COL13A1: variants seen among roughly 807,000 people sequenced by gnomAD.
COL13A1 encodes the protein collagen type XIII alpha 1 chain.
A neutral mutation model predicts 130.9 loss-of-function variants in COL13A1; 89 were observed. The observed-to-expected ratio is 0.68, with a 90% CI of 0.57 to 0.81. COL13A1 has a LOEUF of 0.81. Ranked by LOEUF, COL13A1 falls within the 30% of genes least tolerant of loss-of-function variation. COL13A1 has a pLI of 0.00. For missense variants in COL13A1, 879 were observed against 934.6 expected, an observed-to-expected ratio of 0.94 and a Z score of 0.78; for synonymous variants, 402 against 341.6, an observed-to-expected ratio of 1.18 and a Z score of -1.95.
intron 2 of COL13A1, among the ~76,000 whole-genome samples, chr10:69,859,265 G>A (rs1176078980): frequency 6.6e-6 from 1 of 152,166 alleles, no homozygotes; most frequent in Non-Finnish European, 1.5e-5. Flanking sequence ...CCTTTTAATG[G>A]CAAAAACCAC....
At chr10:69,854,304 A>G (rs553000146) in intron 2 of COL13A1, among the ~76,000 whole-genome samples, 12 of 152,264 alleles carry the variant, frequency 7.9e-5, no homozygotes, top group Admixed American at 4.6e-4. Context: ...TGTGGCTCAC[A>G]CTTGTAATCC....
intron 6 of COL13A1, 115 bp from the exon 7 acceptor site, chr10:69,880,388 G>T (rs566444615): frequency 1.2e-4 from 84 of 727,480 alleles, no homozygotes; most frequent in Non-Finnish European, 2.0e-4. Context: ...CATGGGGCCG[G>T]CCTCCTGCTC....
rs556389311 is a variant in COL13A1 at position 69,958,807 on chromosome 10, A to G, written c.*106A>G. 2.1e-6 allele frequency: 3 copies of G among 1,455,074 alleles called. No individual in the cohort carries two copies. Among genetic ancestry groups the G allele is most frequent in the African/African-American group, 1.4e-5 (1 of 70,330 alleles). The allele number at this position is 1,455,074 out of a possible 1,614,324, so 90.1% of individuals were successfully genotyped here. ...GCCAGAAGTATGATGCATCTTACAGATTATTAAAAAAGAAAGAAAAACCTG... is the reference window on the plus strand; with the variant it reads ...GCCAGAAGTATGATGCATCTTACAGGTTATTAAAAAAGAAAGAAAAACCTG... On this transcript the variant is annotated 3_prime_UTR_variant, in exon 41 of 41. Coordinates refer to ENST00000645393, the MANE Select transcript of COL13A1 (RefSeq NM_001368882.1).
intron 40 of COL13A1, among the ~76,000 whole-genome samples, chr10:69,957,424 G>C (rs1285163678): frequency 1.3e-5 from 2 of 152,192 alleles, no homozygotes; most frequent in Non-Finnish European, 1.5e-5. Context: ...GGACATCTCA[G>C]TTGCTTTCAC....
intron 1 of COL13A1, among the ~76,000 whole-genome samples, chr10:69,804,475 C>T (rs1432997363): frequency 6.6e-6 from 1 of 152,034 alleles, no homozygotes; most frequent in East Asian, 1.9e-4. Context: ...CATATTTACC[C>T]TACTGAATAC....
intron 13 of COL13A1, among the ~76,000 whole-genome samples, chr10:69,896,303 TG>T (rs1372750480): frequency 6.6e-6 from 1 of 152,016 alleles, no homozygotes; most frequent in Admixed American, 6.5e-5. Flanking sequence ...TTCAAACTTG[TG>T]TCCCAGCAGC....
intron 2 of COL13A1, among the ~76,000 whole-genome samples, chr10:69,852,826 T>C (rs1459705188): frequency 2.0e-5 from 3 of 152,222 alleles, no homozygotes; most frequent in Non-Finnish European, 4.4e-5. Context: ...TCCTGGGCAG[T>C]GAATGATGCT....
At chr10:69,825,706 G>A (rs1473150062) in intron 2 of COL13A1, among the ~76,000 whole-genome samples, 3 of 152,216 alleles carry the variant, frequency 2.0e-5, no homozygotes, top group Admixed American at 1.3e-4. Flanking sequence ...GTCCTGCGGT[G>A]GGTGTGTTCT....
intron 2 of COL13A1, among the ~76,000 whole-genome samples, chr10:69,844,801 G>A (rs942441926): frequency 6.6e-6 from 1 of 152,238 alleles, no homozygotes; most frequent in African/African-American, 2.4e-5. Context: ...CCAGGTGAAT[G>A]CAAACTGGAG....
rs1472963096 is a variant in COL13A1, at chr10:69,919,357, G to A, written c.1026+269G>A. On this transcript the variant is annotated intron_variant, in intron 20 of 40. Transcript: ENST00000645393. ...CTCTTTCCCTCTTGTGTGACAATAA[G>A]AGGTGTGACAATAAGATATGTGACA... 6.6e-5 allele frequency among the ~76,000 whole-genome samples: 10 copies of A among 152,218 alleles called. No individual in the cohort carries two copies. In the South Asian group the frequency reaches 1.9e-3, roughly 28 times the overall value.
chr10:69,916,117 G>T (rs1168872738), intron 17 of COL13A1, among the ~76,000 whole-genome samples: 1 of 152,202 alleles, frequency 6.6e-6, no homozygotes, highest in Non-Finnish European at 1.5e-5. Flanking sequence ...GAGAAGGATG[G>T]ACGAGGACCT....
intron 17 of COL13A1, among the ~76,000 whole-genome samples, chr10:69,907,689 C>G (rs1355284735): frequency 6.6e-6 from 1 of 152,044 alleles, no homozygotes; most frequent in Non-Finnish European, 1.5e-5. Context: ...CTAACCCACT[C>G]TCACAATAAC....
intron 1 of COL13A1, among the ~76,000 whole-genome samples, chr10:69,804,656 T>G (rs1458068280): frequency 6.6e-6 from 1 of 151,422 alleles, no homozygotes; most frequent in African/African-American, 2.4e-5. Flanking sequence ...CCACCTTTTT[T>G]TTTTTTTGGC....
chr10:69,899,588 C>G (rs1159536391), intron 14 of COL13A1, among the ~76,000 whole-genome samples: 1 of 152,170 alleles, frequency 6.6e-6, no homozygotes, highest in Non-Finnish European at 1.5e-5. Context: ...GTTTGGGGAG[C>G]AAGGGAATTT....
At chr10:69,873,488 C>A (rs2059281854) in intron 4 of COL13A1, among the ~76,000 whole-genome samples, 3 of 152,114 alleles carry the variant, frequency 2.0e-5, no homozygotes, top group African/African-American at 7.2e-5. Context: ...CTTTAAAAAG[C>A]ATTTAGGGGG....
chr10:69,811,844 T>C (rs1433847056), intron 1 of COL13A1, among the ~76,000 whole-genome samples: 2 of 152,038 alleles, frequency 1.3e-5, no homozygotes, highest in Non-Finnish European at 2.9e-5. Context: ...TCTACGTGTC[T>C]AAACTGAGCA....
At chr10:69,944,682 AAAAG>A (rs1042274455) in intron 36 of COL13A1, among the ~76,000 whole-genome samples, 31 of 149,834 alleles carry the variant, frequency 2.1e-4, no homozygotes, top group Admixed American at 1.3e-4. Context: ...ATGAAAAAGA[AAAAG>A]AAAGAAAGAA....
At chr10:69,856,650 C>T (rs1035166673) in intron 2 of COL13A1, among the ~76,000 whole-genome samples, 7 of 152,168 alleles carry the variant, frequency 4.6e-5, no homozygotes, top group South Asian at 2.1e-4. Context: ...GATGTGAAGC[C>T]GTGATGTGCG....
In COL13A1 at chr10:69,822,350, T is replaced by C; in HGVS notation, c.295-19T>C. On this transcript the variant is annotated intron_variant, in intron 1 of 40. Transcript: ENST00000645393. The stretch of plus-strand genomic sequence containing the variant: ...TCTACGAGCTCCTGGTGACTCCTCT[T>C]GTCTGTCTCCTTGTACAGAAATGGA... 1 of 1,564,764 alleles carries C rather than the reference T, an allele frequency of 6.4e-7. No homozygotes were observed. The highest frequency in any genetic ancestry group is 8.7e-7 in the Non-Finnish European group (1 of 1,155,156).
Sources: gnomAD v4.1 joint callset for allele counts (sites outside exome capture counted in the v4.1 genomes callset) on GRCh38, gnomAD v4.1.1 for gene constraint, MANE v1.5 for transcripts, NCBI Gene and HGNC (gene_info 2026-07-23, HGNC 2026-07-21) for gene names.